The following PARP4 variants were observed in gnomAD, a reference collection of about 807,000 sequenced individuals.
PARP4 encodes the protein protein mono-ADP-ribosyltransferase PARP4.
In PARP4, 120 loss-of-function variants were observed where a neutral mutation model predicts 187.7. The ratio of observed to expected loss-of-function variants is 0.64; its 90% CI spans 0.55 to 0.74. The LOEUF (loss-of-function observed/expected upper bound fraction) is 0.74. PARP4 is among the 30% of genes least tolerant of loss of function. The pLI is 0.00. For synonymous variants in PARP4, 654 were observed against 740.9 expected (o/e 0.88, Z 1.90); for missense variants, 1,836 against 2,070.5 (o/e 0.89, Z 2.20).
chr13:24,454,190 T>A (rs765697321), intron 22 of PARP4, among the ~76,000 whole-genome samples: 17 of 152,020 alleles, frequency 1.1e-4, no homozygotes, highest in Admixed American at 2.0e-4. Flanking sequence ...AAATGTTGAG[T>A]CAAATTCCAT....
At position 24,460,113 on chromosome 13, in the gene PARP4, T is replaced by C; in HGVS notation, c.2157A>G (p.Gly719=). The C allele has an allele frequency of 1.9e-6, 3 of 1,612,970 alleles. No individual in the cohort carries two copies. The highest frequency in any genetic ancestry group is 2.5e-6 in the Non-Finnish European group (3 of 1,179,676). ...DAPDVFTVSV[G]NLPPKAKVLI... ...GAACCTTAGCCTTAGGGGGTAAGTT[T>C]CCAACACTTACAGTAAAAACGTCCT... Residue 719 remains glycine, a synonymous_variant, in exon 18 of 34, where the codon GGA becomes GGG. Coordinates refer to ENST00000381989, the MANE Select transcript of PARP4 (RefSeq NM_006437.4).
At chr13:24,489,318 GA>G (rs1488143900) in intron 10 of PARP4, among the ~76,000 whole-genome samples, 1 of 152,098 alleles carries the variant, frequency 6.6e-6, no homozygotes, top group Non-Finnish European at 1.5e-5. Flanking sequence ...CCATTAAAAA[GA>G]AATCATATGG....
At chr13:24,483,410 C>T (rs1191235417) in intron 12 of PARP4, among the ~76,000 whole-genome samples, 1 of 119,342 alleles carries the variant, frequency 8.4e-6, no homozygotes, top group African/African-American at 3.3e-5. Context: ...GGCGTGAACC[C>T]GGGAAGCGGA....
intron 17 of PARP4, among the ~76,000 whole-genome samples, chr13:24,461,486 C>T (rs1872213690): frequency 6.6e-6 from 1 of 152,142 alleles, no homozygotes; most frequent in South Asian, 2.1e-4. Context: ...AACTGAATTC[C>T]AAAGAGGGGA....
chr13:24,502,974 AG>A (rs1411481317), intron 2 of PARP4, among the ~76,000 whole-genome samples: 2 of 152,220 alleles, frequency 1.3e-5, no homozygotes, highest in South Asian at 2.1e-4. Context: ...TCGTCAACAG[AG>A]GGAACAGCAG....
Position 24,434,926 on chromosome 13 carries a change from T to C in PARP4, c.4215A>G (p.Ser1405=). 6.2e-7 allele frequency: 1 copy of C among 1,613,992 alleles called. No homozygotes were observed. Among genetic ancestry groups the C allele is most frequent in the Non-Finnish European group, 8.5e-7 (1 of 1,179,934 alleles). The change falls in exon 31 of 34, where the codon TCA becomes TCG. Residue 1405 remains serine (S), a synonymous_variant. Transcript: ENST00000381989. ...PYCGIVFSGS[S]LSSAQSAPLQ... ...GTGGAGCAGACTGTGCAGAGCTTAATGAGCTCCCTGAAAAAACAATGCCAC... is the reference window on the plus strand; with the variant it reads ...GTGGAGCAGACTGTGCAGAGCTTAACGAGCTCCCTGAAAAAACAATGCCAC...
At chr13:24,449,138 C>T (rs1300154783) in intron 25 of PARP4, among the ~76,000 whole-genome samples, 3 of 152,064 alleles carry the variant, frequency 2.0e-5, no homozygotes, top group Non-Finnish European at 4.4e-5. Context: ...CCTGTAATCC[C>T]AGCACTTTGG....
chr13:24,488,655 G>A (rs764477420), intron 10 of PARP4, among the ~76,000 whole-genome samples: 4 of 151,614 alleles, frequency 2.6e-5, no homozygotes, highest in East Asian at 3.9e-4. Flanking sequence ...TGCCCGGCCC[G>A]GACTTTTTAA....
chr13:24,483,933 C>T (rs1216548725), intron 12 of PARP4, among the ~76,000 whole-genome samples: 3 of 152,082 alleles, frequency 2.0e-5, no homozygotes, highest in African/African-American at 7.2e-5. Flanking sequence ...GGCCCCAGCT[C>T]GTCTTCTTTG....
chr13:24,500,931 T>C (rs1262607325), intron 3 of PARP4, among the ~76,000 whole-genome samples: 2 of 152,246 alleles, frequency 1.3e-5, no homozygotes, highest in East Asian at 3.8e-4. Flanking sequence ...ATTTGGAATC[T>C]GAATAAATTA....
At position 24,475,336 on chromosome 13, in the gene PARP4, G is replaced by A. The variant is rs1161984101; in HGVS notation, c.1914+136C>T. ...GCCTAGCTAGTCCCTGGCATGGAGT[G>A]CTCAGTGAATATCTCTTGAATAAAA... On this transcript the variant is annotated intron_variant, in intron 15 of 33. Transcript: ENST00000381989. The A allele has an allele frequency of 7.3e-6, 6 of 823,864 alleles. No individual in the cohort carries two copies. The African/African-American group carries it at 8.6e-5, about 12-fold the overall frequency. The allele number at this position is 823,864 out of a possible 1,614,324, so 51.0% of individuals were successfully genotyped here. A position where few individuals can be genotyped will look rare whatever the true frequency, so the allele number is the denominator to read the frequency against.
chr13:24,498,811 T>C (rs538494648), intron 5 of PARP4, among the ~76,000 whole-genome samples: 5 of 152,282 alleles, frequency 3.3e-5, no homozygotes, highest in South Asian at 2.1e-4. Context: ...CGCAACATAG[T>C]GTAAATACTT....
In PARP4 at chr13:24,435,449, G is replaced by A; in HGVS notation, c.3692C>T (p.Pro1231Leu). 6.2e-7 allele frequency: 1 copy of A among 1,604,576 alleles called. No individual in the cohort carries two copies. Among genetic ancestry groups the A allele is most frequent in the Non-Finnish European group, 8.5e-7 (1 of 1,177,496 alleles). Residue 1231 changes from proline (P) to leucine (L), a missense_variant, in exon 31 of 34, where the codon CCA (proline) becomes CTA (leucine). Coordinates refer to ENST00000381989, the MANE Select transcript of PARP4 (RefSeq NM_006437.4). ...TTTTCGTTTGGATAAACGTAATTCTGGCCACTCAGAGGATGCTAAAAGAGA... is the reference window on the plus strand; with the variant it reads ...TTTTCGTTTGGATAAACGTAATTCTAGCCACTCAGAGGATGCTAAAAGAGA... Reference protein sequence around the residue: ...NQSLLASSEWPELRLSKRKHR... With the variant: ...NQSLLASSEWLELRLSKRKHR...
At chr13:24,446,058 T>C (rs1047226429) in intron 27 of PARP4, among the ~76,000 whole-genome samples, 1 of 152,218 alleles carries the variant, frequency 6.6e-6, no homozygotes, top group Admixed American at 6.5e-5. Context: ...AAAAAGGAAA[T>C]AAACCCACAT....
Position 24,490,820 on chromosome 13 carries a change from T to C in PARP4, c.1062A>G (p.Arg354=), listed in dbSNP as rs1868600748. The part of the protein sequence containing the change: ...AKKADLCQLI[R]DMVNVCETNL... The stretch of plus-strand genomic sequence containing the variant: ...TAGTTTCACAGACATTAACCATGTC[T>C]CTTATTAGCTGTAGGTGGAAATAAT... Residue 354 remains arginine (R), a synonymous_variant, in exon 10 of 34, where the codon AGA becomes AGG. Transcript: ENST00000381989. 1 of 1,612,998 alleles carries C rather than the reference T, an allele frequency of 6.2e-7. No individual in the cohort carries two copies. Among genetic ancestry groups the C allele is most frequent in the Admixed American group, 1.7e-5 (1 of 59,828 alleles).
At chr13:24,471,579 G>C (rs546914625) in intron 15 of PARP4, among the ~76,000 whole-genome samples, 50 of 151,882 alleles carry the variant, frequency 3.3e-4, no homozygotes, top group African/African-American at 1.1e-3. Context: ...CAAAATGTAT[G>C]AGCCATGCAC....
intron 25 of PARP4, among the ~76,000 whole-genome samples, chr13:24,447,841 A>T (rs1047883647): frequency 6.6e-6 from 1 of 152,356 alleles, no homozygotes; most frequent in Non-Finnish European, 1.5e-5. Context: ...TGATGTCATT[A>T]GTCATTAGGG....
intron 30 of PARP4, 26 bp from the exon 31 acceptor site, chr13:24,435,500 G>T: frequency 6.5e-7 from 1 of 1,540,192 alleles, no homozygotes; most frequent in Non-Finnish European, 8.7e-7. Flanking sequence ...AATTATTAAC[G>T]TAAGGGGAAA....
At chr13:24,449,036 A>G (rs536329139) in intron 25 of PARP4, among the ~76,000 whole-genome samples, 2 of 152,338 alleles carry the variant, frequency 1.3e-5, no homozygotes, top group African/African-American at 4.8e-5. Flanking sequence ...CAGTTTGAAG[A>G]TGGTGATGGT....
Sources: allele counts gnomAD v4.1 joint callset (sites outside exome capture counted in the v4.1 genomes callset), GRCh38; gene constraint gnomAD v4.1.1; transcripts MANE v1.5; gene names NCBI Gene and HGNC (gene_info 2026-07-23, HGNC 2026-07-21).